PRKAA2: variants seen among roughly 807,000 people sequenced by gnomAD.
PRKAA2 encodes 5'-AMP-activated protein kinase catalytic subunit alpha-2.
In PRKAA2, 40 loss-of-function variants were observed where a neutral mutation model predicts 56.3. The observed-to-expected ratio is 0.71, with a 90% CI of 0.55 to 0.92. PRKAA2 has a LOEUF of 0.92. Among genes scored for constraint, PRKAA2 ranks in the 40% least tolerant of loss-of-function variants. The pLI is 0.00. For missense variants in PRKAA2, 542 were observed against 686.9 expected, an observed-to-expected ratio of 0.79 and a Z score of 2.36; for synonymous variants, 214 against 234.2, an observed-to-expected ratio of 0.91 and a Z score of 0.79.
intron 7 of PRKAA2, among the ~76,000 whole-genome samples, chr1:56,704,997 A>T (rs1002012302): frequency 2.0e-5 from 3 of 152,132 alleles, no homozygotes; most frequent in Non-Finnish European, 2.9e-5. Flanking sequence ...CCTTACTCTC[A>T]GCCCACAGTT....
intron 1 of PRKAA2, among the ~76,000 whole-genome samples, chr1:56,662,651 A>G (rs1304029087): frequency 6.6e-6 from 1 of 152,218 alleles, no homozygotes; most frequent in African/African-American, 2.4e-5. Flanking sequence ...GATAGCAGCC[A>G]TTTAGTCCAT....
chr1:56,684,977 G>GTCCC (rs1416446886), intron 2 of PRKAA2, among the ~76,000 whole-genome samples: 3 of 152,196 alleles, frequency 2.0e-5, no homozygotes, highest in Non-Finnish European at 4.4e-5. Flanking sequence ...TAGAAGCCAA[G>GTCCC]TCCCTTCGTA....
chr1:56,655,552 TAAGCAAA>T lies in PRKAA2; in HGVS notation c.94+10073_94+10079del, dbSNP rs544957776. On this transcript the variant is annotated intron_variant, in intron 1 of 8. Transcript: ENST00000371244. The stretch of plus-strand genomic sequence containing the variant: ...TGCTGTGTTTAGTCATACGGGATTT[TAAGCAAA>T]ATGTTTTTTACCAGTGTTCATCTGC... Among the ~76,000 whole-genome samples, 465 of 152,150 alleles carry T rather than the reference TAAGCAAA, an allele frequency of 3.1e-3. 2 individuals are homozygous for T. Among genetic ancestry groups the T allele is most frequent in the African/African-American group, 0.01 (428 of 41,506 alleles).
intron 2 of PRKAA2, among the ~76,000 whole-genome samples, chr1:56,675,131 A>G (rs1368799925): frequency 2.0e-5 from 3 of 152,138 alleles, no homozygotes; most frequent in Non-Finnish European, 4.4e-5. Context: ...GATTATTTTA[A>G]AATTGACTAG....
chr1:56,674,298 G>A (rs1234819351), intron 1 of PRKAA2, 83 bp from the exon 2 acceptor site: 2 of 1,278,620 alleles, frequency 1.6e-6, no homozygotes, highest in South Asian at 1.7e-5. Context: ...GAGTAGAGAA[G>A]TTTAGGGCAC....
At chr1:56,663,862 G>A (rs1353323891) in intron 1 of PRKAA2, among the ~76,000 whole-genome samples, 1 of 152,136 alleles carries the variant, frequency 6.6e-6, no homozygotes, top group Non-Finnish European at 1.5e-5. Context: ...CACTTTAAGA[G>A]GCAGAGGTAG....
chr1:56,648,534 T>C (rs1646662569), intron 1 of PRKAA2, among the ~76,000 whole-genome samples: 1 of 152,222 alleles, frequency 6.6e-6, no homozygotes, highest in Admixed American at 6.5e-5. Flanking sequence ...AGTCTTTGTG[T>C]GGACATATGT....
In PRKAA2 at chr1:56,713,521, C is replaced by A. The variant is rs1644382719; in HGVS notation, c.*5808C>A. On this transcript the variant is annotated 3_prime_UTR_variant, in exon 9 of 9. Coordinates refer to ENST00000371244, the MANE Select transcript of PRKAA2 (RefSeq NM_006252.4). Reference sequence around the variant, plus strand: ...TAATTAAATCCTAGAATAGAGCACTCTCCAGAAAAAAAAATGAAAAAAGAA... The same window carrying A: ...TAATTAAATCCTAGAATAGAGCACTATCCAGAAAAAAAAATGAAAAAAGAA... 6.6e-6 allele frequency: 1 copy of A among 151,518 alleles called. No homozygotes were observed. Among genetic ancestry groups the A allele is most frequent in the Admixed American group, 6.6e-5 (1 of 15,222 alleles). The allele number at this position is 151,518 out of a possible 1,614,324, so 9.4% of individuals were successfully genotyped here.
intron 6 of PRKAA2, among the ~76,000 whole-genome samples, chr1:56,697,420 G>C (rs1644266123): frequency 6.6e-6 from 1 of 151,990 alleles, no homozygotes; most frequent in Non-Finnish European, 1.5e-5. Flanking sequence ...ATACAGGCAA[G>C]GACTGATGAT....
chr1:56,707,872 T>C lies in PRKAA2; in HGVS notation c.*159T>C, dbSNP rs1397029142. 1 of 684,438 alleles carries C rather than the reference T, an allele frequency of 1.5e-6. No homozygotes were observed. Among genetic ancestry groups the C allele is most frequent in the Non-Finnish European group, 2.4e-6 (1 of 411,510 alleles). The allele number at this position is 684,438 out of a possible 1,614,324, so 42.4% of individuals were successfully genotyped here. ...TATTGAAATTACTGAAAACAAAATA[T>C]CTGACATCTTATTTACTTGTAGAAA... is the stretch of plus-strand genomic sequence containing the variant. On this transcript the variant is annotated 3_prime_UTR_variant, in exon 9 of 9. Transcript: ENST00000371244.
intron 6 of PRKAA2, among the ~76,000 whole-genome samples, chr1:56,699,959 T>C (rs115806126): frequency 2.6e-5 from 4 of 152,356 alleles, no homozygotes; most frequent in Non-Finnish European, 5.9e-5. Context: ...AATATTCCAG[T>C]GTATGAATAT....
rs372597964 is a variant in PRKAA2, at chr1:56,704,457, G to A, written c.1275G>A (p.Gln425=). The A allele has an allele frequency of 6.3e-7, 1 of 1,597,376 alleles. No individual in the cohort carries two copies. The highest frequency in any genetic ancestry group is 1.3e-5 in the African/African-American group (1 of 74,082). The change falls in exon 7 of 9, where the codon CAG becomes CAA. Residue 425 remains glutamine, a synonymous_variant. Coordinates refer to ENST00000371244, the MANE Select transcript of PRKAA2 (RefSeq NM_006252.4). The stretch of plus-strand genomic sequence containing the variant: ...CTGAAGTTTACCGAGCTATGAAGCA[G>A]CTGGATTTTGAATGGAAGGTAGGAA... ...IMAEVYRAMK[Q]LDFEWKVVNA...
chr1:56,678,876 A>G (rs2100410008), intron 2 of PRKAA2, among the ~76,000 whole-genome samples: 1 of 152,174 alleles, frequency 6.6e-6, no homozygotes, highest in East Asian at 1.9e-4. Flanking sequence ...TTGTATTTTT[A>G]GTAGAGACGG....
intron 6 of PRKAA2, among the ~76,000 whole-genome samples, chr1:56,698,257 A>G (rs1644272272): frequency 6.6e-6 from 1 of 152,012 alleles, no homozygotes; most frequent in South Asian, 2.1e-4. Flanking sequence ...ATAGTTCAAT[A>G]GGGAAAAGAA....
At chr1:56,661,177 A>G (rs1017927631) in intron 1 of PRKAA2, among the ~76,000 whole-genome samples, 1 of 152,170 alleles carries the variant, frequency 6.6e-6, no homozygotes, top group African/African-American at 2.4e-5. Context: ...GCTTAGGTAT[A>G]TAGTGTCCTC....
intron 1 of PRKAA2, among the ~76,000 whole-genome samples, chr1:56,648,290 CTCT>C (rs1335663025): frequency 6.6e-6 from 1 of 152,172 alleles, no homozygotes; most frequent in African/African-American, 2.4e-5. Flanking sequence ...TTTTTCTAGG[CTCT>C]TCTTCATAAA....
intron 2 of PRKAA2, among the ~76,000 whole-genome samples, chr1:56,682,775 G>C (rs1644163956): frequency 6.6e-6 from 1 of 152,164 alleles, no homozygotes; most frequent in Non-Finnish European, 1.5e-5. Flanking sequence ...TGATAATCTA[G>C]ATTAGTGTTG....
intron 1 of PRKAA2, among the ~76,000 whole-genome samples, chr1:56,655,357 C>T (rs1166825529): frequency 7.0e-6 from 1 of 143,520 alleles, no homozygotes; most frequent in Admixed American, 7.2e-5. Context: ...TCAAGTGATC[C>T]ACCTATATTG....
Position 56,645,360 on chromosome 1 carries a change from C to A in PRKAA2, c.-28C>A. On this transcript the variant is annotated 5_prime_UTR_variant, in exon 1 of 9. Transcript: ENST00000371244. The stretch of plus-strand genomic sequence containing the variant: ...GGCGGCGGCTACGCGGAGCGGCAGG[C>A]GGTGGAGCGAGGCCGCGCGCGCCGA... 2.8e-6 allele frequency: 4 copies of A among 1,439,702 alleles called. No individual in the cohort carries two copies. The highest frequency in any genetic ancestry group is 3.7e-6 in the Non-Finnish European group (4 of 1,084,414). 89.2% of individuals were successfully genotyped at this position (1,439,702 alleles called of 1,614,324 possible).
Sources: gnomAD v4.1 joint callset for allele counts (sites outside exome capture counted in the v4.1 genomes callset) on GRCh38, gnomAD v4.1.1 for gene constraint, MANE v1.5 for transcripts, NCBI Gene and HGNC (gene_info 2026-07-23, HGNC 2026-07-21) for gene names.